The following SON variants were observed in gnomAD, a reference collection of about 807,000 sequenced individuals.
The protein encoded by SON is SON DNA and RNA binding protein.
In SON, 4 loss-of-function variants were observed where a neutral mutation model predicts 173.3. The observed-to-expected ratio is 0.02, with a 90% CI of 0.01 to 0.05. The LOEUF is 0.05. Ranked by LOEUF, SON falls within the 10% of genes least tolerant of loss-of-function variation. The pLI is 1.00. For missense variants in SON, 2,626 were observed against 3,055.3 expected (o/e 0.86, Z 3.31); for synonymous variants, 1,190 against 1,105.9 (o/e 1.08, Z -1.51).
chr21:33,547,964 C>T (rs1171464247), intron 2 of SON, among the ~76,000 whole-genome samples: 1 of 151,894 alleles, frequency 6.6e-6, no homozygotes, highest in African/African-American at 2.4e-5. Context: ...GCCTCGTGAT[C>T]CACACGTCTT....
intron 1 of SON, 198 bp downstream of exon 1, chr21:33,543,367 G>A: frequency 3.4e-6 from 2 of 593,552 alleles, no homozygotes; most frequent in Non-Finnish European, 5.8e-6. Context: ...GAGGAACTTC[G>A]CCTTTTCCGA....
rs1276171614 is a variant in SON, at chr21:33,576,590, A to G, written c.*166A>G. 1 of 722,000 alleles carries G rather than the reference A, an allele frequency of 1.4e-6. No individual in the cohort carries two copies. 44.7% of individuals were successfully genotyped at this position (722,000 alleles called of 1,614,324 possible). A position where few individuals can be genotyped will look rare whatever the true frequency, so the allele number is the denominator to read the frequency against. On this transcript the variant is annotated 3_prime_UTR_variant, in exon 12 of 12. Coordinates refer to ENST00000356577, the MANE Select transcript of SON (RefSeq NM_138927.4). ...TCACGTAGATAGATTGAGGTTTTAT[A>G]ATAATCATTTCAGAATTTTACTCTG...
rs1005730844 is a variant in SON, at chr21:33,543,085, C to T, written c.-8C>T. ...GCGAGGAGGAGTTGAGAGAACGGAG[C>T]GGACGCCATGGCGACCAACATCGAG... On this transcript the variant is annotated 5_prime_UTR_variant, in exon 1 of 12. Transcript: ENST00000356577. The T allele has an allele frequency of 5.6e-6, 9 of 1,613,568 alleles. No individual in the cohort carries two copies. The Admixed American group carries it at 1.2e-4, about 21-fold the overall frequency.
rs770940184 is a variant in SON at position 33,576,622 on chromosome 21, A to G, written c.*198A>G. 1.7e-5 allele frequency: 12 copies of G among 691,596 alleles called. No individual in the cohort carries two copies. Among genetic ancestry groups the G allele is most frequent in the East Asian group, 2.8e-5 (1 of 36,300 alleles). 42.8% of individuals were successfully genotyped at this position (691,596 alleles called of 1,614,324 possible). A position where few individuals can be genotyped will look rare whatever the true frequency, so the allele number is the denominator to read the frequency against. Reference sequence around the variant, plus strand: ...ATTTCAGAATTTTACTCTGCATCACAATGTATTTCCTCTTTAATGTTGTAA... The same window carrying G: ...ATTTCAGAATTTTACTCTGCATCACGATGTATTTCCTCTTTAATGTTGTAA... On this transcript the variant is annotated 3_prime_UTR_variant, in exon 12 of 12. Transcript: ENST00000356577.
In SON at chr21:33,549,815, A is replaced by G; in HGVS notation, c.584A>G (p.Glu195Gly). 1 of 1,614,216 alleles carries G rather than the reference A, an allele frequency of 6.2e-7. No homozygotes were observed. The highest frequency in any genetic ancestry group is 1.1e-5 in the South Asian group (1 of 91,084). Residue 195 changes from glutamate (E) to glycine (G), a missense_variant, in exon 3 of 12, where the codon GAG becomes GGG. This residue lies in a region of SON where 757 missense variants were observed against 730.1 expected (regional missense o/e 1.04). Transcript: ENST00000356577. ...CTAGAACCTCCTGTAGTATCAATGG[A>G]GGTATCAGAGCCACACATCTTAGAA... ...VVLEPPVVSMEVSEPHILETL... is the reference protein window; with the variant it reads ...VVLEPPVVSMGVSEPHILETL...
intron 7 of SON, 159 bp downstream of exon 7, chr21:33,567,426 C>T (rs1049234688): frequency 2.0e-5 from 12 of 600,258 alleles, no homozygotes; most frequent in South Asian, 4.3e-5. Context: ...GAAAGTGATT[C>T]GAGGCCTGAT....
intron 6 of SON, among the ~76,000 whole-genome samples, chr21:33,564,664 C>G (rs549253622): frequency 1.5e-3 from 227 of 152,212 alleles, no homozygotes; most frequent in Non-Finnish European, 2.2e-3. Flanking sequence ...AGTTCAAGAC[C>G]AGCCTGACCA....
intron 4 of SON, chr21:33,557,726 A>G: frequency 7.0e-7 from 1 of 1,421,484 alleles, no homozygotes; most frequent in Non-Finnish European, 9.2e-7. Context: ...ATCTTTTGCC[A>G]CCGGAGCTTG....
Position 33,551,443 on chromosome 21 carries a change from T to C in SON, c.2212T>C (p.Ser738Pro). Residue 738 changes from serine to proline, a missense_variant, in exon 3 of 12, where the codon TCC (serine) becomes CCC (proline). Transcript: ENST00000356577. ...CACCATGGACTCCCAAATGCTAGCG[T>C]CCAACACCATGGACTCCCAGATGCT... ...SNTMDSQMLA[S>P]NTMDSQMLAS... is the part of the protein sequence containing the mutation. 2 of 1,613,952 alleles carry C rather than the reference T, an allele frequency of 1.2e-6. No homozygotes were observed. Among genetic ancestry groups the C allele is most frequent in the Non-Finnish European group, 1.7e-6 (2 of 1,179,938 alleles).
rs1251964852 is a variant in SON at position 33,553,429 on chromosome 21, C to G, written c.4198C>G (p.Pro1400Ala). The change falls in exon 3 of 12, where the codon CCA becomes GCA. Residue 1400 changes from proline to alanine, a missense_variant. This residue lies in a region of SON where 1,006 missense variants were observed against 895.6 expected (regional missense o/e 1.12). Transcript: ENST00000356577. Reference protein sequence around the residue: ...TVPEPPVVAEPDYVTIPVPVV... With the variant: ...TVPEPPVVAEADYVTIPVPVV... ...CCCGGAGCCTCCTGTTGTGGCTGAGCCAGACTATGTTACCATTCCTGTGCC... is the reference window on the plus strand; with the variant it reads ...CCCGGAGCCTCCTGTTGTGGCTGAGGCAGACTATGTTACCATTCCTGTGCC... The G allele has an allele frequency of 1.2e-6, 2 of 1,614,078 alleles. No individual in the cohort carries two copies. The highest frequency in any genetic ancestry group is 2.7e-5 in the African/African-American group (2 of 74,916).
chr21:33,570,647 C>T (rs1023375832), intron 8 of SON, among the ~76,000 whole-genome samples: 4 of 152,084 alleles, frequency 2.6e-5, no homozygotes, highest in Admixed American at 1.3e-4. Flanking sequence ...GAAAAAATGT[C>T]TTTCATCTTT....
rs764785021 is a variant in SON at position 33,551,196 on chromosome 21, T to G, written c.1965T>G (p.Val655=). Residue 655 remains valine, a synonymous_variant, in exon 3 of 12, where the codon GTT becomes GTG. Transcript: ENST00000356577. ...PVATVALEIS[V]QSVVTTSELS... is the part of the protein sequence containing the mutation. ...CAACTGTGGCGCTGGAGATCTCTGT[T>G]CAGTCTGTGGTGACAACATCGGAGC... 3 of 1,614,062 alleles carry G rather than the reference T, an allele frequency of 1.9e-6. No individual in the cohort carries two copies. Among genetic ancestry groups the G allele is most frequent in the Non-Finnish European group, 2.5e-6 (3 of 1,179,970 alleles).
chr21:33,550,083 A>G lies in SON; in HGVS notation c.852A>G (p.Pro284=). ...SVLKSVESTS[P]EPSKIMLVEP... ...TGAAATCTGTGGAGAGCACATCTCC[A>G]GAGCCATCAAAGATCATGTTGGTAG... Residue 284 remains proline (P), a synonymous_variant, in exon 3 of 12, where the codon CCA becomes CCG. Coordinates refer to ENST00000356577, the MANE Select transcript of SON (RefSeq NM_138927.4). 6.2e-7 allele frequency: 1 copy of G among 1,614,176 alleles called. No individual in the cohort carries two copies. The highest frequency in any genetic ancestry group is 8.5e-7 in the Non-Finnish European group (1 of 1,180,042).
In SON at chr21:33,552,853, G is replaced by A. The variant is rs1480721717; in HGVS notation, c.3622G>A (p.Val1208Ile). The change falls in exon 3 of 12, where the codon GTA becomes ATA. Residue 1208 changes from valine (V) to isoleucine (I), a missense_variant. By Grantham distance (29) the Val-to-Ile change is conservative (BLOSUM62 3). Around this residue, in one of 13 missense-constraint regions of SON, gnomAD observed 1,006 missense variants for 895.6 expected, o/e 1.12. Transcript: ENST00000356577. This position sits in a 1 kb window ranked among gnomAD's most constrained non-coding sequence, Gnocchi z 5.6. ...EVPSSPSEESVSQPEPPVSQS... is the reference protein window; with the variant it reads ...EVPSSPSEESISQPEPPVSQS... ...GCCATCATCACCATCTGAAGAGTCTGTATCGCAGCCTGAGCCTCCTGTGAG... is the reference window on the plus strand; with the variant it reads ...GCCATCATCACCATCTGAAGAGTCTATATCGCAGCCTGAGCCTCCTGTGAG... 2 of 1,614,148 alleles carry A rather than the reference G, an allele frequency of 1.2e-6. No individual in the cohort carries two copies. The highest frequency in any genetic ancestry group is 1.7e-6 in the Non-Finnish European group (2 of 1,180,030).
chr21:33,558,885 A>G (rs2086016713), intron 4 of SON: 3 of 164,054 alleles, frequency 1.8e-5, no homozygotes, highest in East Asian at 3.2e-4. Context: ...AAAGTGTTCA[A>G]TTATTTCATG....
At chr21:33,566,332 T>C (rs992342779) in intron 6 of SON, among the ~76,000 whole-genome samples, 18 of 152,088 alleles carry the variant, frequency 1.2e-4, no homozygotes, top group East Asian at 3.8e-4. Flanking sequence ...CAAATACTTA[T>C]CTTGATGTGT....
intron 7 of SON, 54 bp downstream of exon 7, chr21:33,567,321 C>A: frequency 3.1e-6 from 3 of 970,968 alleles, no homozygotes; most frequent in Non-Finnish European, 5.0e-6. Context: ...CAACTCACAC[C>A]AATGTACCAG....
intron 1 of SON, 124 bp from the exon 2 acceptor site, chr21:33,546,089 C>A: frequency 1.3e-6 from 1 of 764,774 alleles, no homozygotes; most frequent in Non-Finnish European, 2.0e-6. Context: ...TGGTGAATAT[C>A]TAAAATAGGA....
chr21:33,559,219 T>C lies in SON; in HGVS notation c.6322-11T>C. 1 of 1,529,806 alleles carries C rather than the reference T, an allele frequency of 6.5e-7. No individual in the cohort carries two copies. The highest frequency in any genetic ancestry group is 1.3e-5 in the South Asian group (1 of 79,966). The allele number at this position is 1,529,806 out of a possible 1,614,324, so 94.8% of individuals were successfully genotyped here. A position where few individuals can be genotyped will look rare whatever the true frequency, so the allele number is the denominator to read the frequency against. ...GTAAGATTTATCTTTTGTTTGTTTTTACTTTTAAAGAAATGTAAACAGATC... is the reference window on the plus strand; with the variant it reads ...GTAAGATTTATCTTTTGTTTGTTTTCACTTTTAAAGAAATGTAAACAGATC... On this transcript the variant is annotated splice_polypyrimidine_tract_variant and intron_variant, in intron 4 of 11. Coordinates refer to ENST00000356577, the MANE Select transcript of SON (RefSeq NM_138927.4). The surrounding 1 kb of genome is among the most constrained non-coding windows in gnomAD (Gnocchi z 4.1).
Sources: allele counts gnomAD v4.1 joint callset (sites outside exome capture counted in the v4.1 genomes callset), GRCh38; gene constraint gnomAD v4.1.1; regional missense constraint gnomAD v4.1.1; non-coding constraint Gnocchi (gnomAD v3.1); transcripts MANE v1.5; gene names NCBI Gene and HGNC (gene_info 2026-07-23, HGNC 2026-07-21).